TNIP3: variants seen among roughly 807,000 people sequenced by gnomAD.
The protein encoded by TNIP3 is TNFAIP3-interacting protein 3.
TNIP3 carries 34 observed loss-of-function variants against 54.1 expected under a neutral mutation model. The ratio of observed to expected loss-of-function variants is 0.63; its 90% confidence interval spans 0.48 to 0.84. The LOEUF (loss-of-function observed/expected upper bound fraction) is 0.84. TNIP3 is among the 40% of genes least tolerant of loss of function. The probability of loss-of-function intolerance (pLI) is 0.00; values close to 1 mark genes in which losing one functional copy is unlikely to be tolerated. For missense variants in TNIP3, 366 were observed against 387.6 expected (o/e 0.94, Z 0.47); for synonymous variants, 134 against 136.8 (o/e 0.98, Z 0.14).
At chr4:121,208,764 C>A (rs1339690211) in intron 2 of TNIP3, among the ~76,000 whole-genome samples, 1 of 152,022 alleles carries the variant, frequency 6.6e-6, no homozygotes, top group African/African-American at 2.4e-5. Context: ...CTTCTGATAC[C>A]CTTGGAATTT....
At chr4:121,174,200 A>C (rs888794961) in intron 3 of TNIP3, among the ~76,000 whole-genome samples, 1 of 152,184 alleles carries the variant, frequency 6.6e-6, no homozygotes, top group African/African-American at 2.4e-5. Flanking sequence ...TCAACACCGT[A>C]TCTATAGATT....
intron 8 of TNIP3, 25 bp from the exon 9 acceptor site, chr4:121,141,939 C>A: frequency 6.5e-7 from 1 of 1,531,806 alleles, no homozygotes; most frequent in South Asian, 1.2e-5. Context: ...ACTGTGGGGT[C>A]ACTACCAGTG....
At chr4:121,221,154 C>T (rs1727008960), upstream of TNIP3, among the ~76,000 whole-genome samples, 1 of 152,050 alleles carries the variant, frequency 6.6e-6, no homozygotes, top group African/African-American at 2.4e-5. Context: ...GAGATCCTTG[C>T]TATTATTGGT....
chr4:121,140,484 C>T (rs1318646649), intron 9 of TNIP3, among the ~76,000 whole-genome samples: 1 of 151,952 alleles, frequency 6.6e-6, no homozygotes, highest in East Asian at 1.9e-4. Flanking sequence ...GTTTGATGAG[C>T]TATAGTAGGT....
At chr4:121,224,383 A>C (rs1480995902) in intron 1 of TNIP3, among the ~76,000 whole-genome samples, 1 of 151,582 alleles carries the variant, frequency 6.6e-6, no homozygotes, top group Non-Finnish European at 1.5e-5. Context: ...AAGAAAAAAG[A>C]AAAAAGAAAA....
At chr4:121,212,618 G>GT (rs1434373302) in intron 2 of TNIP3, among the ~76,000 whole-genome samples, 1 of 152,110 alleles carries the variant, frequency 6.6e-6, no homozygotes, top group East Asian at 1.9e-4. Flanking sequence ...GCTGCTGCTT[G>GT]TTTAGTGAAA....
intron 2 of TNIP3, among the ~76,000 whole-genome samples, chr4:121,202,275 C>G (rs886744394): frequency 2.0e-5 from 3 of 152,288 alleles, no homozygotes. Context: ...TTAGAGCCAA[C>G]TGATCTTTGA....
chr4:121,209,176 C>A (rs1483812105), intron 2 of TNIP3, among the ~76,000 whole-genome samples: 1 of 152,236 alleles, frequency 6.6e-6, no homozygotes, highest in African/African-American at 2.4e-5. Flanking sequence ...CCCCATGCCT[C>A]ACCCTTTGGA....
At chr4:121,165,640 C>T (rs973580747), upstream of TNIP3, among the ~76,000 whole-genome samples, 7 of 150,414 alleles carry the variant, frequency 4.7e-5, no homozygotes, top group Non-Finnish European at 1.0e-4. Flanking sequence ...TTTACAAAAT[C>T]GATGAACTTT....
intron 2 of TNIP3, among the ~76,000 whole-genome samples, chr4:121,184,549 A>G (rs28513714): frequency 0.28 from 42,850 of 151,892 alleles, 6,904 homozygotes; most frequent in African/African-American, 0.44. Context: ...AGTCCTGACA[A>G]TTTTCTGGTT....
chr4:121,218,123 A>T (rs2148851337), upstream of TNIP3, among the ~76,000 whole-genome samples: 1 of 152,354 alleles, frequency 6.6e-6, no homozygotes, highest in African/African-American at 2.4e-5. Context: ...GATATATTTT[A>T]ATACTAATAT....
chr4:121,222,804 G>GT (rs138758827), intron 1 of TNIP3, among the ~76,000 whole-genome samples: 9,833 of 105,612 alleles, frequency 0.093, 1,565 homozygotes, highest in African/African-American at 0.24. Flanking sequence ...TTTTTTGTGC[G>GT]TTTTTTTTTT....
chr4:121,139,471 TG>T (rs1319098246), intron 9 of TNIP3, among the ~76,000 whole-genome samples: 4 of 152,236 alleles, frequency 2.6e-5, no homozygotes, highest in Non-Finnish European at 5.9e-5. Flanking sequence ...TCTGTCTTTC[TG>T]CTCTGAATGC....
upstream of TNIP3, among the ~76,000 whole-genome samples, chr4:121,168,241 C>T (rs796530077): frequency 1.5e-4 from 23 of 152,198 alleles, no homozygotes; most frequent in African/African-American, 4.8e-4. Flanking sequence ...GAGTCTCGCT[C>T]TGTCACCCAG....
intron 2 of TNIP3, among the ~76,000 whole-genome samples, chr4:121,192,066 T>C (rs1725333748): frequency 6.6e-6 from 1 of 152,218 alleles, no homozygotes; most frequent in South Asian, 2.1e-4. Context: ...GAAACAACAG[T>C]TTAAATGTGA....
At chr4:121,169,612 C>A (rs1271001618) in intron 3 of TNIP3, among the ~76,000 whole-genome samples, 1 of 152,204 alleles carries the variant, frequency 6.6e-6, no homozygotes, top group Admixed American at 6.5e-5. Flanking sequence ...CTCACACATA[C>A]AAATTGCCTT....
At chr4:121,220,209 G>T (rs546541939), upstream of TNIP3, among the ~76,000 whole-genome samples, 1 of 152,242 alleles carries the variant, frequency 6.6e-6, no homozygotes, top group Non-Finnish European at 1.5e-5. Context: ...CTACAGGTAG[G>T]CAGTCAGTTA....
chr4:121,157,376 C>T (rs1389783660), intron 3 of TNIP3, 133 bp from the exon 4 acceptor site: 2 of 1,117,070 alleles, frequency 1.8e-6, no homozygotes, highest in African/African-American at 1.6e-5. Flanking sequence ...GTTCTAGCTC[C>T]CACCGTCCCG....
upstream of TNIP3, among the ~76,000 whole-genome samples, chr4:121,220,292 A>G (rs1415196021): frequency 6.6e-6 from 1 of 152,178 alleles, no homozygotes; most frequent in African/African-American, 2.4e-5. Flanking sequence ...ATGTCACTGA[A>G]AATACATAGG....
Sources: gnomAD v4.1 joint callset for allele counts (sites outside exome capture counted in the v4.1 genomes callset) on GRCh38, gnomAD v4.1.1 for gene constraint, MANE v1.5 for transcripts, NCBI Gene and HGNC (gene_info 2026-07-23, HGNC 2026-07-21) for gene names.